ZNF804A: variants seen among roughly 807,000 people sequenced by gnomAD.
The protein encoded by ZNF804A is zinc finger protein 804A.
In ZNF804A, 2 loss-of-function variants were observed where a neutral mutation model predicts 16.5. That is an observed-to-expected ratio of 0.12 (90% CI 0.05 to 0.38). ZNF804A has a LOEUF of 0.38. Ranked by LOEUF, ZNF804A falls within the 10% of genes least tolerant of loss-of-function variation. The pLI is 0.99. For synonymous variants in ZNF804A, 534 were observed against 489.6 expected, an observed-to-expected ratio of 1.09 and a Z score of -1.20; for missense variants, 1,473 against 1,390.7, an observed-to-expected ratio of 1.06 and a Z score of -0.94.
intron 1 of ZNF804A, among the ~76,000 whole-genome samples, chr2:184,648,903 G>A (rs1371865750): frequency 6.6e-6 from 1 of 151,966 alleles, no homozygotes; most frequent in East Asian, 1.9e-4. Flanking sequence ...ACAAATTCCG[G>A]ACTTAAACTT....
intron 1 of ZNF804A, among the ~76,000 whole-genome samples, chr2:184,666,054 C>T (rs1448781974): frequency 6.6e-6 from 1 of 152,062 alleles, no homozygotes; most frequent in Admixed American, 6.6e-5. Context: ...CTAACTGTGG[C>T]TATAACACCA....
At chr2:184,705,730 A>AAC (rs143221588) in intron 1 of ZNF804A, among the ~76,000 whole-genome samples, 16 of 151,510 alleles carry the variant, frequency 1.1e-4, no homozygotes, top group Admixed American at 2.0e-4. Flanking sequence ...ACACACACAT[A>AAC]ACACACACAC....
At chr2:184,813,009 G>A (rs755100153) in intron 1 of ZNF804A, among the ~76,000 whole-genome samples, 30 of 152,036 alleles carry the variant, frequency 2.0e-4, no homozygotes, top group Admixed American at 3.3e-4. Flanking sequence ...TAAATATTCA[G>A]TCATATATAA....
chr2:184,772,339 C>T (rs1163582832), intron 1 of ZNF804A, among the ~76,000 whole-genome samples: 1 of 150,802 alleles, frequency 6.6e-6, no homozygotes, highest in Non-Finnish European at 1.5e-5. Flanking sequence ...GATCCATTTC[C>T]CATCTCTATA....
At chr2:184,634,528 G>A (rs1390324901) in intron 1 of ZNF804A, among the ~76,000 whole-genome samples, 2 of 152,030 alleles carry the variant, frequency 1.3e-5, no homozygotes, top group Non-Finnish European at 2.9e-5. Flanking sequence ...AAGGAGATGT[G>A]ATGACAGAAG....
chr2:184,749,652 A>T (rs1047590132), intron 1 of ZNF804A, among the ~76,000 whole-genome samples: 1 of 151,288 alleles, frequency 6.6e-6, no homozygotes, highest in African/African-American at 2.4e-5. Flanking sequence ...AGTATAATAA[A>T]AGTAGCTCAC....
chr2:184,871,998 A>G (rs1177683980), intron 2 of ZNF804A, among the ~76,000 whole-genome samples: 3 of 152,144 alleles, frequency 2.0e-5, no homozygotes, highest in African/African-American at 7.2e-5. Context: ...AGAACTAATG[A>G]AGACCTACTT....
chr2:184,816,497 G>A (rs1694985567), intron 1 of ZNF804A, among the ~76,000 whole-genome samples: 1 of 151,864 alleles, frequency 6.6e-6, no homozygotes, highest in Non-Finnish European at 1.5e-5. Context: ...TTAAGCTCAG[G>A]GATTTCTCCC....
intron 1 of ZNF804A, among the ~76,000 whole-genome samples, chr2:184,661,773 C>A (rs1243006564): frequency 6.6e-6 from 1 of 152,042 alleles, no homozygotes; most frequent in Non-Finnish European, 1.5e-5. Flanking sequence ...GGGACCAGTC[C>A]CTGTCTGTCT....
At chr2:184,687,977 C>T (rs535147954) in intron 1 of ZNF804A, among the ~76,000 whole-genome samples, 9 of 151,888 alleles carry the variant, frequency 5.9e-5, no homozygotes, top group Non-Finnish European at 1.0e-4. Context: ...AAATTAGCTG[C>T]GTGTGGTGGT....
chr2:184,739,882 G>C (rs188998082), intron 1 of ZNF804A, among the ~76,000 whole-genome samples: 5 of 152,208 alleles, frequency 3.3e-5, no homozygotes, highest in Admixed American at 3.3e-4. Flanking sequence ...AACTGACTAT[G>C]ATTAGAATCA....
intron 1 of ZNF804A, among the ~76,000 whole-genome samples, chr2:184,630,486 A>G (rs1175314459): frequency 6.6e-6 from 1 of 152,212 alleles, no homozygotes; most frequent in Non-Finnish European, 1.5e-5. Context: ...AATATTTTAT[A>G]GAAATATAAG....
chr2:184,862,221 A>C (rs1296173712), intron 1 of ZNF804A, among the ~76,000 whole-genome samples: 1 of 152,162 alleles, frequency 6.6e-6, no homozygotes, highest in Non-Finnish European at 1.5e-5. Flanking sequence ...TGTGCTTTAA[A>C]GTATCAGTCA....
At chr2:184,612,195 T>A (rs927474853) in intron 1 of ZNF804A, among the ~76,000 whole-genome samples, 4 of 152,150 alleles carry the variant, frequency 2.6e-5, no homozygotes, top group African/African-American at 9.7e-5. Flanking sequence ...ATATGTGAAA[T>A]TTTGAAAATT....
chr2:184,799,874 G>A (rs1191198641), intron 1 of ZNF804A, among the ~76,000 whole-genome samples: 1 of 152,026 alleles, frequency 6.6e-6, no homozygotes, highest in South Asian at 2.1e-4. Context: ...CTGCTTTATG[G>A]AAGAGATTAT....
intron 2 of ZNF804A, among the ~76,000 whole-genome samples, chr2:184,883,771 T>C (rs1684845645): frequency 6.6e-6 from 1 of 152,008 alleles, no homozygotes; most frequent in Admixed American, 6.6e-5. Context: ...TTAAAAACCC[T>C]CAACAAACCA....
intron 1 of ZNF804A, among the ~76,000 whole-genome samples, chr2:184,773,211 T>C (rs1694243435): frequency 6.6e-6 from 1 of 151,764 alleles, no homozygotes; most frequent in South Asian, 2.1e-4. Context: ...AAAATACCAT[T>C]ACTAATATCT....
In ZNF804A at chr2:184,938,170, C is replaced by A. The variant is rs769292199; in HGVS notation, c.2774C>A (p.Thr925Lys). Reference sequence around the variant, plus strand: ...TCTGTCTGTGTAGCTAGTGCCCCAACAAAAGAAGCAATTGACAATACCCTG... The same window carrying A: ...TCTGTCTGTGTAGCTAGTGCCCCAAAAAAAGAAGCAATTGACAATACCCTG... ...TTSVCVASAP[T>K]KEAIDNTLLE... Residue 925 changes from threonine (T) to lysine (K), a missense_variant, in exon 4 of 4, where the codon ACA becomes AAA. By Grantham distance (78) the Thr-to-Lys change is moderately conservative. Transcript: ENST00000302277. The A allele has an allele frequency of 3.1e-6, 5 of 1,613,974 alleles. No homozygotes were observed. Among genetic ancestry groups the A allele is most frequent in the Non-Finnish European group, 3.4e-6 (4 of 1,180,032 alleles).
intron 1 of ZNF804A, among the ~76,000 whole-genome samples, chr2:184,754,764 C>CT (rs951693725): frequency 2.8e-4 from 42 of 151,292 alleles, no homozygotes; most frequent in East Asian, 5.9e-4. Flanking sequence ...ATTTATTCAT[C>CT]TTTTTTTTAA....
Sources: gnomAD v4.1 joint callset for allele counts (sites outside exome capture counted in the v4.1 genomes callset) on GRCh38, gnomAD v4.1.1 for gene constraint, MANE v1.5 for transcripts, NCBI Gene and HGNC (gene_info 2026-07-23, HGNC 2026-07-21) for gene names.